TIAM2: variants seen among roughly 807,000 people sequenced by gnomAD.
The protein encoded by TIAM2 is TIAM Rac1 associated GEF 2.
Under a neutral mutation model 152.9 loss-of-function variants are expected in TIAM2, and 80 were observed. The observed-to-expected ratio is 0.52, with a 90% confidence interval of 0.44 to 0.63. TIAM2 has a LOEUF of 0.63. Ranked by LOEUF, TIAM2 falls within the 30% of genes least tolerant of loss-of-function variation. The pLI, the probability that TIAM2 is intolerant of heterozygous loss-of-function variation, is 0.00. For synonymous variants in TIAM2, 804 were observed against 838.0 expected (o/e 0.96, Z 0.70); for missense variants, 1,965 against 2,120.1 (o/e 0.93, Z 1.44).
chr6:155,229,030 C>T (rs573850774), intron 15 of TIAM2, among the ~76,000 whole-genome samples: 2 of 152,362 alleles, frequency 1.3e-5, no homozygotes, highest in Admixed American at 6.5e-5. Context: ...GTCCGCATTT[C>T]CTCCAGACAG....
chr6:155,244,523 C>A, intron 17 of TIAM2, 135 bp from the exon 18 acceptor site: 1 of 1,092,490 alleles, frequency 9.2e-7, no homozygotes. Context: ...AATGTGCTGT[C>A]TTCTTAAAGG....
chr6:155,255,332 A>G (rs892038926), intron 26 of TIAM2: 2 of 152,180 alleles, frequency 1.3e-5, no homozygotes, highest in African/African-American at 4.8e-5. Flanking sequence ...AAGCATTTCA[A>G]ATCACGTTGT....
At position 155,129,585 on chromosome 6, in the gene TIAM2, A is replaced by C. The variant is rs141676445; in HGVS notation, c.362A>C (p.His121Pro). The C allele has an allele frequency of 1.7e-5, 27 of 1,614,030 alleles. No homozygotes were observed. The African/African-American group carries it at 3.6e-4, about 22-fold the overall frequency. The change falls in exon 4 of 27, where the codon CAC (histidine) becomes CCC (proline). Residue 121 changes from histidine to proline, a missense_variant. Around this residue, in one of 3 missense-constraint regions of TIAM2, gnomAD observed 1,025 missense variants for 1,119.4 expected, o/e 0.92. Transcript: ENST00000682666. The surrounding 1 kb of genome is among the most constrained non-coding windows in gnomAD (Gnocchi z 4.8). Reference sequence around the variant, plus strand: ...GAGAATGGCTTCCACTCTGTTGGCCACGAGCTGGCAGATAACCACATCACC... The same window carrying C: ...GAGAATGGCTTCCACTCTGTTGGCCCCGAGCTGGCAGATAACCACATCACC... ...STENGFHSVG[H>P]ELADNHITSR...
intron 15 of TIAM2, among the ~76,000 whole-genome samples, chr6:155,227,269 C>G (rs569776705): frequency 1.3e-5 from 2 of 152,152 alleles, no homozygotes; most frequent in African/African-American, 4.8e-5. Flanking sequence ...ACTAGGCATG[C>G]GGAATGGCTT....
intron 1 of TIAM2, among the ~76,000 whole-genome samples, chr6:155,047,676 GA>G (rs1191255918): frequency 7.5e-5 from 4 of 53,088 alleles, no homozygotes; most frequent in East Asian, 4.5e-4. Context: ...AGGAGAGAGA[GA>G]GAGAGAGAGA....
Position 155,256,616 on chromosome 6 carries a change from CG to C in TIAM2, c.4603del (p.Ala1535LeufsTer34). ...GGCACCCAGAGCAGCGGCTGCCCCA[CG>C]GCTGAGGGCAGGCAGGACTCCAAGA... is the stretch of plus-strand genomic sequence containing the variant. ...SSGTQSSGCP[T>X]AEGRQDSKST... On this transcript the variant is annotated frameshift_variant, in exon 27 of 27. Coordinates refer to ENST00000682666, the MANE Select transcript of TIAM2 (RefSeq NM_012454.4). LOFTEE classifies it low-confidence loss of function (END_TRUNC). 6.2e-7 allele frequency: 1 copy of C among 1,614,126 alleles called. No individual in the cohort carries two copies. The highest frequency in any genetic ancestry group is 8.5e-7 in the Non-Finnish European group (1 of 1,180,022).
In TIAM2 at chr6:155,109,133, A is replaced by G. The variant is rs570464344; in HGVS notation, c.-117-18357A>G. 3.0e-3 allele frequency among the ~76,000 whole-genome samples: 451 copies of G among 152,016 alleles called. 2 individuals are homozygous for G. Among genetic ancestry groups the G allele is most frequent in the African/African-American group, 0.01 (432 of 41,464 alleles). ...CGAGTAGCTGGGACTACAGGCGCCC[A>G]CCACCACACCCGGCTAATTTTTTTG... On this transcript the variant is annotated intron_variant, in intron 2 of 26. Transcript: ENST00000682666.
Position 155,035,133 on chromosome 6 carries a change from A to G in TIAM2, c.-209+39641A>G, listed in dbSNP as rs78209904. Among the ~76,000 whole-genome samples the G allele has an allele frequency of 3.2e-3, 489 of 152,120 alleles. 5 individuals are homozygous for G. In the East Asian group the frequency reaches 0.042, roughly 13 times the overall value. On this transcript the variant is annotated intron_variant, in intron 1 of 26. Transcript: ENST00000682666. ...TTATTATAGTTCGTTTGATCCACGT[A>G]TGCACTGATTCTTTATTTGCTGAAT...
intron 7 of TIAM2, among the ~76,000 whole-genome samples, 188 bp downstream of exon 7, chr6:155,148,522 G>T (rs1168670519): frequency 1.3e-5 from 2 of 152,148 alleles, no homozygotes; most frequent in East Asian, 1.9e-4. Flanking sequence ...TGACATGGGT[G>T]ATATGATATG....
At chr6:155,018,221 G>A (rs1386242131) in intron 1 of TIAM2, among the ~76,000 whole-genome samples, 1 of 120,918 alleles carries the variant, frequency 8.3e-6, no homozygotes, top group East Asian at 2.5e-4. Flanking sequence ...CTGGGCAACA[G>A]AGTGAGACTG....
rs1307729091 is a variant in TIAM2, at chr6:155,129,019, T to C, written c.-6-199T>C. Among the ~76,000 whole-genome samples, 1 of 152,202 alleles carries C rather than the reference T, an allele frequency of 6.6e-6. No homozygotes were observed. The highest frequency in any genetic ancestry group is 1.5e-5 in the Non-Finnish European group (1 of 68,036). On this transcript the variant is annotated intron_variant, in intron 3 of 26. Coordinates refer to ENST00000682666, the MANE Select transcript of TIAM2 (RefSeq NM_012454.4). The surrounding 1 kb of genome is among the most constrained non-coding windows in gnomAD (Gnocchi z 4.8). Reference sequence around the variant, plus strand: ...AAATAATTAGCAGACAGGTGTGCAGTGTTGTCTGTCTAGCTAATGAGCAGC... The same window carrying C: ...AAATAATTAGCAGACAGGTGTGCAGCGTTGTCTGTCTAGCTAATGAGCAGC...
In TIAM2 at chr6:155,110,625, G is replaced by A. The variant is rs117514135; in HGVS notation, c.-117-16865G>A. Among the ~76,000 whole-genome samples the A allele has an allele frequency of 2.7e-3, 408 of 152,116 alleles. 4 individuals are homozygous for A. The highest frequency in any genetic ancestry group is 0.02 in the Middle Eastern group (6 of 294). On this transcript the variant is annotated intron_variant, in intron 2 of 26. Coordinates refer to ENST00000682666, the MANE Select transcript of TIAM2 (RefSeq NM_012454.4). ...TTCAGTCTTAGATTGGTTTTCTTTG[G>A]TTTATAGTCACATTCCAATAGAAGA...
At chr6:155,030,083 G>C (rs1348033195) in intron 1 of TIAM2, among the ~76,000 whole-genome samples, 1 of 152,140 alleles carries the variant, frequency 6.6e-6, no homozygotes, top group African/African-American at 2.4e-5. Flanking sequence ...GTGAGCCACT[G>C]TGCCTTTGTT....
intron 26 of TIAM2, chr6:155,255,271 T>C (rs1259069391): frequency 1.3e-5 from 2 of 152,190 alleles, no homozygotes; most frequent in African/African-American, 4.8e-5. Flanking sequence ...TGTAATGCCA[T>C]CTAAGTTAAG....
chr6:155,146,251 C>G (rs112883394), intron 6 of TIAM2, among the ~76,000 whole-genome samples: 1 of 152,028 alleles, frequency 6.6e-6, no homozygotes, highest in Non-Finnish European at 1.5e-5. Context: ...CATGGTGGTG[C>G]GCACCTGTGG....
chr6:155,226,707 G>A (rs1198290852), intron 15 of TIAM2, among the ~76,000 whole-genome samples: 1 of 152,128 alleles, frequency 6.6e-6, no homozygotes, highest in Non-Finnish European at 1.5e-5. Context: ...GATTGCAGAT[G>A]GTGAAATTTA....
intron 1 of TIAM2, among the ~76,000 whole-genome samples, chr6:155,021,099 G>C (rs964626658): frequency 1.3e-5 from 2 of 152,020 alleles, no homozygotes; most frequent in African/African-American, 4.8e-5. Context: ...CCTTGTCTCT[G>C]TATGTCATCT....
intron 15 of TIAM2, among the ~76,000 whole-genome samples, chr6:155,233,119 G>GT (rs1782566117): frequency 6.6e-6 from 1 of 152,158 alleles, no homozygotes; most frequent in Admixed American, 6.5e-5. Flanking sequence ...CTCCTGCCAC[G>GT]TATTTCATGC....
At chr6:155,107,959 T>C (rs1289478613) in intron 2 of TIAM2, among the ~76,000 whole-genome samples, 1 of 152,042 alleles carries the variant, frequency 6.6e-6, no homozygotes, top group African/African-American at 2.4e-5. Context: ...TCGCAGAAAA[T>C]TGGTAGGTGG....
Sources: gnomAD v4.1 joint callset for allele counts (sites outside exome capture counted in the v4.1 genomes callset) on GRCh38, gnomAD v4.1.1 for gene constraint, gnomAD v4.1.1 regional missense constraint, Gnocchi (gnomAD v3.1) non-coding constraint, MANE v1.5 for transcripts, NCBI Gene and HGNC (gene_info 2026-07-23, HGNC 2026-07-21) for gene names.